Variants in CARD14 observed in about 807,000 individuals in gnomAD.
CARD14 encodes the protein caspase recruitment domain-containing protein 14.
CARD14 carries 107 observed loss-of-function variants against 111.5 expected under a neutral mutation model. The observed-to-expected ratio is 0.96, with a 90% CI of 0.82 to 1.13. The LOEUF (loss-of-function observed/expected upper bound fraction) is 1.13. CARD14 is among the 50% of genes most tolerant of loss of function. CARD14 has a pLI of 0.00. For missense variants in CARD14, 1,322 were observed against 1,362.3 expected (o/e 0.97, Z 0.47); for synonymous variants, 617 against 579.6 (o/e 1.06, Z -0.93).
Position 80,205,522 on chromosome 17 carries a change from C to T in CARD14, c.2570-9C>T. On this transcript the variant is annotated splice_polypyrimidine_tract_variant and intron_variant, in intron 21 of 23. Transcript: ENST00000648509. ...GGTCTATGATGGCCCCGTCCAATGT[C>T]ACCTGTAGAGTACTTGAGCCAGGAG... The T allele has an allele frequency of 6.3e-7, 1 of 1,582,886 alleles. No homozygotes were observed. The highest frequency in any genetic ancestry group is 8.6e-7 in the Non-Finnish European group (1 of 1,163,700).
rs750572414 is a variant in CARD14, at chr17:80,184,588, C to T, written c.675+350C>T. On this transcript the variant is annotated intron_variant, in intron 7 of 23. Coordinates refer to ENST00000648509, the MANE Select transcript of CARD14 (RefSeq NM_001366385.1). ...CCGCCTACGTCCCACTGCCCAGCTG[C>T]GGCAGTGACATGGGATAGTCGGCCT... Among the ~76,000 whole-genome samples the T allele has an allele frequency of 7.2e-5, 11 of 152,382 alleles. No homozygotes were observed. The Middle Eastern group carries it at 0.01, about 141-fold the overall frequency.
Position 80,195,852 on chromosome 17 carries a change from GC to G in CARD14, c.1594+201del, listed in dbSNP as rs5822328. ...GCCAGCCAGCGTAAGCCAAAGGCCG[GC>G]TGCGCTCTGTCTGCTGGTGTCCTTG... On this transcript the variant is annotated intron_variant, in intron 14 of 23. Transcript: ENST00000648509. The surrounding 1 kb of genome is among the most constrained non-coding windows in gnomAD (Gnocchi z 4.7). The G allele has an allele frequency of 6.1e-3, 3,507 of 579,312 alleles. 86 individuals carry two copies. The highest frequency in any genetic ancestry group is 0.052 in the African/African-American group (2,790 of 53,202). The allele number at this position is 579,312 out of a possible 1,614,324, so 35.9% of individuals were successfully genotyped here.
intron 5 of CARD14, among the ~76,000 whole-genome samples, chr17:80,181,880 A>T (rs2040187945): frequency 6.6e-6 from 1 of 152,144 alleles, no homozygotes; most frequent in Non-Finnish European, 1.5e-5. Context: ...TTCCAGGTGG[A>T]TGTGTCTTTG....
Position 80,203,460 on chromosome 17 carries a change from T to G in CARD14, c.2220-362T>G. 4.6e-6 allele frequency: 1 copy of G among 215,646 alleles called. No individual in the cohort carries two copies. The highest frequency in any genetic ancestry group is 9.1e-6 in the Non-Finnish European group (1 of 109,528). 13.4% of individuals were successfully genotyped at this position (215,646 alleles called of 1,614,324 possible). Reference sequence around the variant, plus strand: ...CCAGGGAGAGGCCTGGCACTCTGCATTTCTAACAGCTCTCTCGGTGACTCC... The same window carrying G: ...CCAGGGAGAGGCCTGGCACTCTGCAGTTCTAACAGCTCTCTCGGTGACTCC... On this transcript the variant is annotated intron_variant, in intron 18 of 23. Transcript: ENST00000648509. The surrounding 1 kb of genome is among the most constrained non-coding windows in gnomAD (Gnocchi z 4.6).
chr17:80,170,762 GCCCTCCCCTC>G (rs1159463524), intron 1 of CARD14, among the ~76,000 whole-genome samples: 1 of 112,522 alleles, frequency 8.9e-6, no homozygotes, highest in African/African-American at 3.3e-5. Context: ...AGATCTCTGG[GCCCTCCCCTC>G]CCCTCCCGTC....
rs148427324 is a variant in CARD14 at position 80,184,260 on chromosome 17, C to T, written c.675+22C>T. The T allele has an allele frequency of 9.3e-3, 13,862 of 1,486,700 alleles. 80 individuals carry two copies. The highest frequency in any genetic ancestry group is 0.019 in the Middle Eastern group (81 of 4,316). 92.1% of individuals were successfully genotyped at this position (1,486,700 alleles called of 1,614,324 possible). ...GGAGGTAGGGGGACACCCTGCACCC[C>T]GGCGCGACCCTGCTGTCGTCTGCCC... On this transcript the variant is annotated intron_variant, in intron 7 of 23. Transcript: ENST00000648509.
intron 7 of CARD14, chr17:80,187,879 C>T: frequency 1.0e-6 from 1 of 985,642 alleles, no homozygotes; most frequent in Non-Finnish European, 1.2e-6. Flanking sequence ...TGCAAGTCAA[C>T]ACAGGAGCTT....
intron 17 of CARD14, 40 bp from the exon 18 acceptor site, chr17:80,202,140 T>TATCTGTGGCTC: frequency 1.3e-6 from 2 of 1,548,956 alleles, no homozygotes; most frequent in Non-Finnish European, 1.8e-6. Flanking sequence ...CAGAGGCTCG[T>TATCTGTGGCTC]ATCTGTGGCT....
In CARD14 at chr17:80,191,310, T is replaced by C; in HGVS notation, c.1090-13T>C. 1.2e-6 allele frequency: 2 copies of C among 1,603,664 alleles called. No homozygotes were observed. Among genetic ancestry groups the C allele is most frequent in the Admixed American group, 1.7e-5 (1 of 59,876 alleles). On this transcript the variant is annotated splice_polypyrimidine_tract_variant and intron_variant, in intron 10 of 23. Coordinates refer to ENST00000648509, the MANE Select transcript of CARD14 (RefSeq NM_001366385.1). ...TGATGGCGCGGCCTCCTTACTCCCGTCGTGGCCCACAGGCGTACTCCGCGA... is the reference window on the plus strand; with the variant it reads ...TGATGGCGCGGCCTCCTTACTCCCGCCGTGGCCCACAGGCGTACTCCGCGA...
intron 9 of CARD14, 150 bp downstream of exon 9, chr17:80,190,022 G>T: frequency 1.8e-6 from 2 of 1,113,018 alleles, no homozygotes; most frequent in Non-Finnish European, 2.4e-6. Context: ...CTGTCCCTTT[G>T]TCAGCGCCAC....
Position 80,188,226 on chromosome 17 carries a change from G to C in CARD14, c.676-151G>C. 1.3e-6 allele frequency: 1 copy of C among 769,584 alleles called. No individual in the cohort carries two copies. The highest frequency in any genetic ancestry group is 1.9e-6 in the Non-Finnish European group (1 of 517,426). 47.7% of individuals were successfully genotyped at this position (769,584 alleles called of 1,614,324 possible). On this transcript the variant is annotated intron_variant, in intron 7 of 23. Transcript: ENST00000648509. The surrounding 1 kb of genome is among the most constrained non-coding windows in gnomAD (Gnocchi z 4.5). The stretch of plus-strand genomic sequence containing the variant: ...TTGAATATTTGGGACTATTCATTAG[G>C]TGAACCCTTTCGTGGGTTTTTCAGT...
rs553068241 is a variant in CARD14 at position 80,182,438 on chromosome 17, G to A, written c.212-215G>A. On this transcript the variant is annotated intron_variant, in intron 5 of 23. Transcript: ENST00000648509. The surrounding 1 kb of genome is among the most constrained non-coding windows in gnomAD (Gnocchi z 4.7). ...GATACATGCCAGCTTTGCCCTTCTC[G>A]AGTCTGACTGAGGTCATGGGGGTAA... Among the ~76,000 whole-genome samples, 49 of 152,296 alleles carry A rather than the reference G, an allele frequency of 3.2e-4. No individual in the cohort carries two copies. The highest frequency in any genetic ancestry group is 8.3e-4 in the South Asian group (4 of 4,828).
rs2040830858 is a variant in CARD14 at position 80,198,989 on chromosome 17, C to G, written c.1851+398C>G. ...TTTGAAACAGGGTCTCACTCTGTCACCCAGGCTAGAGTGCTGCGGTGCGAT... is the reference window on the plus strand; with the variant it reads ...TTTGAAACAGGGTCTCACTCTGTCAGCCAGGCTAGAGTGCTGCGGTGCGAT... On this transcript the variant is annotated intron_variant, in intron 16 of 23. Coordinates refer to ENST00000648509, the MANE Select transcript of CARD14 (RefSeq NM_001366385.1). This position sits in a 1 kb window ranked among gnomAD's most constrained non-coding sequence, Gnocchi z 7.5. 3.1e-6 allele frequency: 3 copies of G among 963,352 alleles called. No individual in the cohort carries two copies. In the Admixed American group the frequency reaches 1.5e-4, roughly 49 times the overall value. The allele number at this position is 963,352 out of a possible 1,614,324, so 59.7% of individuals were successfully genotyped here.
Position 80,192,570 on chromosome 17 carries a change from C to T in CARD14, c.1307C>T (p.Ala436Val). 2 of 1,613,440 alleles carry T rather than the reference C, an allele frequency of 1.2e-6. No homozygotes were observed. Among genetic ancestry groups the T allele is most frequent in the South Asian group, 2.2e-5 (2 of 91,064 alleles). The part of the protein sequence containing the change: ...REKQRLVRMH[A>V]ICPRDDSDCS... ...AAGCAGCGGCTGGTGCGGATGCATG[C>T]CATCTGCCCCAGAGACGACAGCGAC... The change falls in exon 12 of 24, where the codon GCC (alanine) becomes GTC (valine). Residue 436 changes from alanine to valine, a missense_variant. Coordinates refer to ENST00000648509, the MANE Select transcript of CARD14 (RefSeq NM_001366385.1).
At chr17:80,184,270 C>T (rs1336011199) in intron 7 of CARD14, 32 bp downstream of exon 7, 1 of 1,456,576 alleles carries the variant, frequency 6.9e-7, no homozygotes, top group Non-Finnish European at 9.1e-7. Context: ...CGGCGCGACC[C>T]TGCTGTCGTC....
rs1422754109 is a variant in CARD14, at chr17:80,182,578, G to T, written c.212-75G>T. The T allele has an allele frequency of 4.5e-6, 7 of 1,566,080 alleles. No individual in the cohort carries two copies. The highest frequency in any genetic ancestry group is 6.1e-6 in the Non-Finnish European group (7 of 1,148,548). ...TTTCCCAGCCCCAGGCCTCTCCCCC[G>T]TGGGGAAGCCAGCCAGGGAGCCCAG... On this transcript the variant is annotated intron_variant, in intron 5 of 23. Coordinates refer to ENST00000648509, the MANE Select transcript of CARD14 (RefSeq NM_001366385.1). The surrounding 1 kb of genome is among the most constrained non-coding windows in gnomAD (Gnocchi z 4.7).
intron 12 of CARD14, among the ~76,000 whole-genome samples, chr17:80,194,805 C>T (rs1250094289): frequency 6.6e-6 from 1 of 152,218 alleles, no homozygotes; most frequent in African/African-American, 2.4e-5. Context: ...ATTCAGTTAT[C>T]TCCACCTGGT....
In CARD14 at chr17:80,181,785, C is replaced by G; in HGVS notation, c.211+136C>G. On this transcript the variant is annotated intron_variant, in intron 5 of 23. Coordinates refer to ENST00000648509, the MANE Select transcript of CARD14 (RefSeq NM_001366385.1). Reference sequence around the variant, plus strand: ...CACTTGCTGTTGCCTTTAGGGCCCACCTGGATAACCAGGATGATCTGATCT... The same window carrying G: ...CACTTGCTGTTGCCTTTAGGGCCCAGCTGGATAACCAGGATGATCTGATCT... The G allele has an allele frequency of 4.0e-6, 3 of 747,036 alleles. No individual in the cohort carries two copies. The South Asian group carries it at 5.6e-5, about 14-fold the overall frequency. 46.3% of individuals were successfully genotyped at this position (747,036 alleles called of 1,614,324 possible).
intron 6 of CARD14, among the ~76,000 whole-genome samples, chr17:80,183,355 C>A (rs565433020): frequency 6.6e-6 from 1 of 152,340 alleles, no homozygotes; most frequent in Non-Finnish European, 1.5e-5. Context: ...GGAGAATAGA[C>A]CATTTTCCCT....
Sources: gnomAD v4.1 joint callset for allele counts (sites outside exome capture counted in the v4.1 genomes callset) on GRCh38, gnomAD v4.1.1 for gene constraint, Gnocchi (gnomAD v3.1) non-coding constraint, MANE v1.5 for transcripts, NCBI Gene and HGNC (gene_info 2026-07-23, HGNC 2026-07-21) for gene names.